Variants in LMF1 observed in about 807,000 individuals in gnomAD.
LMF1 encodes the protein transmembrane protein 112.
Under a neutral mutation model 60.6 loss-of-function variants are expected in LMF1, and 68 were observed. That is an observed-to-expected ratio of 1.12 (90% CI 0.92 to 1.37). The LOEUF is 1.37. LMF1 is among the 40% of genes most tolerant of loss of function. The pLI is 0.00. For missense variants in LMF1, 948 were observed against 767.2 expected, an observed-to-expected ratio of 1.24 and a Z score of -2.78; for synonymous variants, 418 against 324.7, an observed-to-expected ratio of 1.29 and a Z score of -3.09.
intron 2 of LMF1, among the ~76,000 whole-genome samples, chr16:936,979 G>A (rs1395304770): frequency 2.0e-5 from 3 of 152,112 alleles, no homozygotes; most frequent in Non-Finnish European, 4.4e-5. Context: ...CTAAAAAGAC[G>A]CAGCCTCACG....
chr16:949,968 C>A (rs2072395128), intron 2 of LMF1, among the ~76,000 whole-genome samples: 1 of 144,254 alleles, frequency 6.9e-6, no homozygotes, highest in Admixed American at 6.9e-5. Flanking sequence ...TCAGAGACGA[C>A]AGAGTCAGAG....
chr16:958,523 C>T (rs111401515), intron 1 of LMF1, among the ~76,000 whole-genome samples: 7,550 of 152,254 alleles, frequency 0.05, 205 homozygotes, highest in Non-Finnish European at 0.066. Flanking sequence ...TTCATCACTG[C>T]GGAAATGCCC....
chr16:861,793 C>T (rs1269009358), intron 10 of LMF1, among the ~76,000 whole-genome samples: 1 of 152,232 alleles, frequency 6.6e-6, no homozygotes, highest in African/African-American at 2.4e-5. Flanking sequence ...CTGCGTACTG[C>T]AGTGCCCAGC....
Position 957,082 on chromosome 16 carries a change from G to A in LMF1, c.194-2416C>T, listed in dbSNP as rs527695854. 1.2e-4 allele frequency among the ~76,000 whole-genome samples: 18 copies of A among 151,772 alleles called. No individual in the cohort carries two copies. In the East Asian group the frequency reaches 1.9e-3, roughly 16 times the overall value. On this transcript the variant is annotated intron_variant, in intron 1 of 10. Transcript: ENST00000262301. The stretch of plus-strand genomic sequence containing the variant: ...TGAGGCAGGAGAATCACTTGAACCC[G>A]GGAGGCTGCAGTGAGCCGAGATGGC...
chr16:956,265 G>A (rs946432099), intron 1 of LMF1, among the ~76,000 whole-genome samples: 1 of 151,124 alleles, frequency 6.6e-6, no homozygotes, highest in African/African-American at 2.4e-5. Context: ...AGGTCTCCGA[G>A]TTCATGTCCC....
At chr16:859,867 T>G (rs1393589842) in intron 10 of LMF1, among the ~76,000 whole-genome samples, 38 of 127,660 alleles carry the variant, frequency 3.0e-4, no homozygotes, top group African/African-American at 1.3e-3. Context: ...TGTGCAGTGG[T>G]GTCTCGGGAT....
intron 2 of LMF1, among the ~76,000 whole-genome samples, chr16:936,870 G>C (rs2071962027): frequency 6.6e-6 from 1 of 152,364 alleles, no homozygotes; most frequent in Non-Finnish European, 1.5e-5. Flanking sequence ...TTGGGGCCGA[G>C]GCTGGAAGAT....
chr16:889,800 A>G (rs2070425225), intron 5 of LMF1, among the ~76,000 whole-genome samples: 1 of 152,074 alleles, frequency 6.6e-6, no homozygotes, highest in African/African-American at 2.4e-5. Flanking sequence ...CGCAGTTGAC[A>G]CCCTGACTTC....
rs113789007 is a variant in LMF1 at position 888,778 on chromosome 16, G to A, written c.729+4229C>T. On this transcript the variant is annotated intron_variant, in intron 5 of 10. Transcript: ENST00000262301. Reference sequence around the variant, plus strand: ...ACAGGGGGCAGTGTGTGGGGAGAGCGAGGACACCACATCTGGGGTGGGGTT... The same window carrying A: ...ACAGGGGGCAGTGTGTGGGGAGAGCAAGGACACCACATCTGGGGTGGGGTT... Among the ~76,000 whole-genome samples the A allele has an allele frequency of 5.7e-3, 867 of 152,242 alleles. 5 individuals carry two copies. The highest frequency in any genetic ancestry group is 0.02 in the African/African-American group (826 of 41,556).
chr16:906,929 T>G (rs1398622895), intron 4 of LMF1, among the ~76,000 whole-genome samples: 1 of 152,238 alleles, frequency 6.6e-6, no homozygotes, highest in Non-Finnish European at 1.5e-5. Context: ...GACTGATTCA[T>G]GAACATGGTA....
chr16:860,699 T>C (rs2069437100), intron 10 of LMF1, among the ~76,000 whole-genome samples: 1 of 152,166 alleles, frequency 6.6e-6, no homozygotes, highest in African/African-American at 2.4e-5. Flanking sequence ...TGAGTTATTT[T>C]TGTGTGGGGT....
At chr16:860,058 G>A (rs2069410025) in intron 10 of LMF1, among the ~76,000 whole-genome samples, 1 of 145,094 alleles carries the variant, frequency 6.9e-6, no homozygotes, top group South Asian at 2.1e-4. Flanking sequence ...CACCTTCTTT[G>A]GTGAAACGTC....
At chr16:981,343 AGAGAGTGTGTGT>A (rs1226529436), upstream of LMF1, 138 of 232,942 alleles carry the variant, frequency 5.9e-4, no homozygotes, top group East Asian at 3.3e-3. Flanking sequence ...AGAGAGAGAG[AGAGAGTGTGTGT>A]GTGTGTGTGT....
chr16:871,379 C>G (rs77457568), intron 6 of LMF1, 38 bp from the exon 7 acceptor site: 1 of 1,594,914 alleles, frequency 6.3e-7, no homozygotes, highest in Non-Finnish European at 8.6e-7. Flanking sequence ...TGCAGGGGCT[C>G]GTGTGGGGCC....
In LMF1 at chr16:923,041, C is replaced by T. The variant is rs995093673; in HGVS notation, c.514+11203G>A. On this transcript the variant is annotated intron_variant, in intron 3 of 10. Transcript: ENST00000262301. ...TGTTGCGAAGGCCCTGTGTGAAGGT[C>T]GCCTGGGTTTTCGGGTGTGATGTGG... Among the ~76,000 whole-genome samples the T allele has an allele frequency of 1.4e-3, 166 of 118,524 alleles. 1 individual carries two copies. The highest frequency in any genetic ancestry group is 2.0e-3 in the Non-Finnish European group (113 of 55,960). 77.8% of individuals were successfully genotyped at this position (118,524 alleles called of 152,430 possible).
chr16:918,572 C>T lies in LMF1; in HGVS notation c.515-7493G>A, dbSNP rs560476215. ...GGCATGAAAAATGGCTGAAGTGTGC[C>T]GAGCCTCCAAGGGACTCATGAGACC... On this transcript the variant is annotated intron_variant, in intron 3 of 10. Coordinates refer to ENST00000262301, the MANE Select transcript of LMF1 (RefSeq NM_022773.4). 7.9e-5 allele frequency among the ~76,000 whole-genome samples: 12 copies of T among 152,222 alleles called. No individual in the cohort carries two copies. The South Asian group carries it at 1.7e-3, about 21-fold the overall frequency.
intron 5 of LMF1, among the ~76,000 whole-genome samples, chr16:882,094 C>T (rs1268987629): frequency 6.6e-6 from 1 of 152,230 alleles, no homozygotes. Flanking sequence ...GAAAGGGCCA[C>T]AGCAGGGACA....
chr16:972,507 C>G (rs1209682396), upstream of LMF1, among the ~76,000 whole-genome samples: 1 of 152,196 alleles, frequency 6.6e-6, no homozygotes, highest in African/African-American at 2.4e-5. Context: ...AGGGCCGGCA[C>G]AGCCCACACT....
intron 2 of LMF1, among the ~76,000 whole-genome samples, chr16:949,567 C>A (rs2072380210): frequency 7.3e-6 from 1 of 137,096 alleles, no homozygotes; most frequent in African/African-American, 3.0e-5. Flanking sequence ...GAGACAATGA[C>A]AGAGTCAGAG....
Sources: gnomAD v4.1 joint callset for allele counts (sites outside exome capture counted in the v4.1 genomes callset) on GRCh38, gnomAD v4.1.1 for gene constraint, MANE v1.5 for transcripts, NCBI Gene and HGNC (gene_info 2026-07-23, HGNC 2026-07-21) for gene names.